ANKS1B: variants seen among roughly 807,000 people sequenced by gnomAD.
ANKS1B encodes ankyrin repeat and sterile alpha motif domain containing 1B, also known as ankyrin repeat and sterile alpha motif domain-containing protein 1B.
Under a neutral mutation model 148.3 loss-of-function variants are expected in ANKS1B, and 36 were observed. The observed-to-expected ratio is 0.24, with a 90% confidence interval of 0.19 to 0.32. ANKS1B has a LOEUF of 0.32. ANKS1B is among the 10% of genes least tolerant of loss of function. The pLI, the probability that ANKS1B is intolerant of heterozygous loss-of-function variation, is 1.00. For missense variants in ANKS1B, 1,157 were observed against 1,542.6 expected, an observed-to-expected ratio of 0.75 and a Z score of 4.19; for synonymous variants, 542 against 560.8, an observed-to-expected ratio of 0.97 and a Z score of 0.47.
At chr12:99,566,159 G>A (rs2097391115) in intron 9 of ANKS1B, among the ~76,000 whole-genome samples, 2 of 152,142 alleles carry the variant, frequency 1.3e-5, no homozygotes, top group South Asian at 2.1e-4. Context: ...TGGAGAGGCT[G>A]CGAATTTTCA....
intron 9 of ANKS1B, among the ~76,000 whole-genome samples, chr12:98,737,138 CTT>C (rs755364877): frequency 2.6e-5 from 4 of 152,230 alleles, no homozygotes; most frequent in Non-Finnish European, 5.9e-5. Flanking sequence ...GCTCCCTCCT[CTT>C]TGCCTGGCAA....
intron 17 of ANKS1B, among the ~76,000 whole-genome samples, chr12:98,964,166 C>T (rs2099875821): frequency 6.6e-6 from 1 of 152,016 alleles, no homozygotes; most frequent in Non-Finnish European, 1.5e-5. Flanking sequence ...TCTCAAAAGA[C>T]ATACAAATGA....
intron 11 of ANKS1B, among the ~76,000 whole-genome samples, chr12:99,440,277 T>G (rs1029745700): frequency 6.6e-6 from 1 of 151,876 alleles, no homozygotes; most frequent in Admixed American, 6.6e-5. Flanking sequence ...GATCTGTGTA[T>G]TTGATTCTTC....
At chr12:98,795,800 C>G (rs1284135642) in intron 22 of ANKS1B, among the ~76,000 whole-genome samples, 10 of 152,324 alleles carry the variant, frequency 6.6e-5, no homozygotes, top group Non-Finnish European at 1.3e-4. Flanking sequence ...GTTTCAAATC[C>G]TGGCTCTGCC....
At chr12:99,415,884 T>C (rs1295787929) in intron 11 of ANKS1B, among the ~76,000 whole-genome samples, 2 of 152,030 alleles carry the variant, frequency 1.3e-5, no homozygotes, top group East Asian at 1.9e-4. Context: ...GGGGTTTCAC[T>C]GTGTTAGCCA....
At chr12:99,863,554 G>A (rs2033280) in intron 1 of ANKS1B, among the ~76,000 whole-genome samples, 118,704 of 151,610 alleles carry the variant, frequency 0.78, 47,351 homozygotes, top group East Asian at 0.97. Context: ...TTTCTACTAA[G>A]AATACAAAAA....
intron 1 of ANKS1B, among the ~76,000 whole-genome samples, chr12:99,983,074 TA>T (rs2093563368): frequency 2.0e-5 from 3 of 152,316 alleles, no homozygotes; most frequent in Middle Eastern, 6.8e-3. Context: ...TTGGGCTTTC[TA>T]AAATTTTTAC....
intron 9 of ANKS1B, among the ~76,000 whole-genome samples, chr12:99,557,573 G>A (rs541695845): frequency 2.6e-5 from 4 of 152,114 alleles, no homozygotes; most frequent in South Asian, 4.2e-4. Flanking sequence ...TTATTTTATT[G>A]TATTTCTTAG....
At chr12:99,444,547 C>G (rs528163402) in intron 10 of ANKS1B, among the ~76,000 whole-genome samples, 14 of 151,810 alleles carry the variant, frequency 9.2e-5, no homozygotes, top group Non-Finnish European at 2.1e-4. Context: ...CATATTAAAG[C>G]AAAATAACAT....
chr12:99,721,728 A>T (rs1315153039), intron 8 of ANKS1B, among the ~76,000 whole-genome samples: 1 of 152,244 alleles, frequency 6.6e-6, no homozygotes, highest in Non-Finnish European at 1.5e-5. Flanking sequence ...CTTCACACTG[A>T]TGCGCATGAA....
Position 99,681,119 on chromosome 12 carries a change from T to C in ANKS1B, c.1129-25909A>G, listed in dbSNP as rs904887136. Among the ~76,000 whole-genome samples, 3 of 152,046 alleles carry C rather than the reference T, an allele frequency of 2.0e-5. No individual in the cohort carries two copies. The South Asian group carries it at 6.2e-4, about 32-fold the overall frequency. On this transcript the variant is annotated intron_variant, in intron 8 of 26. Transcript: ENST00000683438. ...CTTGGGAGCTCCATGGCCCCACTCA[T>C]CACCTGAGAATCCTGAGTACTTATC...
intron 12 of ANKS1B, among the ~76,000 whole-genome samples, chr12:99,299,194 G>A (rs749609054): frequency 2.6e-5 from 4 of 152,008 alleles, no homozygotes; most frequent in African/African-American, 4.8e-5. Flanking sequence ...TCAAGTAGCT[G>A]GGATTACAGG....
chr12:99,781,384 A>T (rs2064311033), intron 5 of ANKS1B, among the ~76,000 whole-genome samples: 1 of 152,182 alleles, frequency 6.6e-6, no homozygotes, highest in Admixed American at 6.5e-5. Context: ...TACAAGCATG[A>T]ATTTGTACCC....
chr12:99,219,744 A>T (rs1430024695), intron 14 of ANKS1B, among the ~76,000 whole-genome samples: 1 of 152,204 alleles, frequency 6.6e-6, no homozygotes, highest in East Asian at 1.9e-4. Flanking sequence ...GTGTGCTGGG[A>T]TCTTCCACCC....
At chr12:99,506,661 T>C (rs1457123849) in intron 9 of ANKS1B, among the ~76,000 whole-genome samples, 1 of 151,954 alleles carries the variant, frequency 6.6e-6, no homozygotes, top group African/African-American at 2.4e-5. Flanking sequence ...AAAGTTGATG[T>C]GGTAGATTTA....
At chr12:99,421,743 G>T (rs1025987836) in intron 11 of ANKS1B, among the ~76,000 whole-genome samples, 3 of 152,124 alleles carry the variant, frequency 2.0e-5, no homozygotes, top group African/African-American at 7.2e-5. Context: ...AAACCCAAGT[G>T]ATATAGTTTG....
intron 14 of ANKS1B, among the ~76,000 whole-genome samples, chr12:99,158,101 A>T (rs539645531): frequency 1.3e-5 from 2 of 152,172 alleles, no homozygotes; most frequent in South Asian, 4.1e-4. Flanking sequence ...GAAGACCCTG[A>T]GTCATGTTGT....
At chr12:99,681,803 C>T (rs1169424943) in intron 8 of ANKS1B, among the ~76,000 whole-genome samples, 2 of 152,178 alleles carry the variant, frequency 1.3e-5, no homozygotes, top group Non-Finnish European at 2.9e-5. Flanking sequence ...CCAAAGATCA[C>T]ATTAGCTCAT....
chr12:99,690,753 C>T (rs535189361), intron 8 of ANKS1B, among the ~76,000 whole-genome samples: 2 of 152,120 alleles, frequency 1.3e-5, no homozygotes, highest in Non-Finnish European at 1.5e-5. Flanking sequence ...GAGTGTCTGC[C>T]GGTTTTCCAG....
Sources: gnomAD v4.1 joint callset for allele counts (sites outside exome capture counted in the v4.1 genomes callset) on GRCh38, gnomAD v4.1.1 for gene constraint, MANE v1.5 for transcripts, NCBI Gene and HGNC (gene_info 2026-07-23, HGNC 2026-07-21) for gene names.